The following TAOK2 variants were observed in gnomAD, a reference collection of about 807,000 sequenced individuals.
TAOK2 encodes serine/threonine-protein kinase TAO2.
A neutral mutation model predicts 122.5 loss-of-function variants in TAOK2; 42 were observed. The observed-to-expected ratio is 0.34, with a 90% confidence interval of 0.27 to 0.44. TAOK2 has a LOEUF of 0.44. TAOK2 is among the 20% of genes least tolerant of loss of function. TAOK2 has a pLI of 1.00. For missense variants in TAOK2, 1,264 were observed against 1,644.9 expected (o/e 0.77, Z 4.01); for synonymous variants, 704 against 677.6 (o/e 1.04, Z -0.61).
rs142597637 is a variant in TAOK2 at position 29,987,149 on chromosome 16, G to A, written c.2877G>A (p.Val959=). The A allele has an allele frequency of 1.3e-6, 2 of 1,582,382 alleles. No homozygotes were observed. The highest frequency in any genetic ancestry group is 1.9e-5 in the Admixed American group (1 of 53,122). Residue 959 remains valine, a synonymous_variant, in exon 16 of 16, where the codon GTG becomes GTA. Transcript: ENST00000308893. The stretch of plus-strand genomic sequence containing the variant: ...TCCTGGCCGGCCTCTCCTTTGCAGT[G>A]GGGTCCTCCTCTGGCCTCCTGCCCC... The part of the protein sequence containing the change: ...HGLLAGLSFA[V]GSSSGLLPLL...
intron 3 of TAOK2, 36 bp downstream of exon 3, chr16:29,978,196 G>A (rs1174027708): frequency 6.2e-7 from 1 of 1,613,914 alleles, no homozygotes; most frequent in Non-Finnish European, 8.5e-7. Context: ...TTGGGGACAG[G>A]GGACTCCTGT....
chr16:29,983,007 C>G (rs957415517), intron 11 of TAOK2, 65 bp from the exon 12 acceptor site: 2 of 1,606,968 alleles, frequency 1.2e-6, no homozygotes, highest in African/African-American at 2.7e-5. Context: ...TCTTCCCATG[C>G]TACCTCCATG....
intron 1 of TAOK2, among the ~76,000 whole-genome samples, chr16:29,977,353 G>C (rs2069486599): frequency 6.6e-6 from 1 of 152,304 alleles, no homozygotes; most frequent in South Asian, 2.1e-4. Context: ...GGAAACAGTT[G>C]GGGTATAGGA....
Position 29,987,098 on chromosome 16 carries a change from G to C in TAOK2, c.2826G>C (p.Gln942His), listed in dbSNP as rs768936564. ...PTHLRPCPAS[Q>H]LPGLLSHGLL... ...ACCTGAGGCCCTGCCCTGCCAGCCA[G>C]CTCCCTGGACTCCTGTCCCATGGCC... Residue 942 changes from glutamine (Q) to histidine (H), a missense_variant, in exon 16 of 16, where the codon CAG becomes CAC. Gln to His is a conservative substitution (Grantham distance 24). Around this residue, in one of 4 missense-constraint regions of TAOK2, gnomAD observed 824 missense variants for 908.7 expected, o/e 0.91. Coordinates refer to ENST00000308893, the MANE Select transcript of TAOK2 (RefSeq NM_016151.4). 3 of 1,613,154 alleles carry C rather than the reference G, an allele frequency of 1.9e-6. No individual in the cohort carries two copies. Among genetic ancestry groups the C allele is most frequent in the African/African-American group, 1.3e-5 (1 of 75,024 alleles).
Position 29,986,652 on chromosome 16 carries a change from G to A in TAOK2, c.2380G>A (p.Glu794Lys), listed in dbSNP as rs770429011. 3.7e-6 allele frequency: 6 copies of A among 1,612,452 alleles called. No individual in the cohort carries two copies. The South Asian group carries it at 5.5e-5, about 15-fold the overall frequency. Reference sequence around the variant, plus strand: ...CCAAAGAATGCTTGGCGAGGAGGAGGAAGCAGTTGGAGAGAGAAGGATTCT... The same window carrying A: ...CCAAAGAATGCTTGGCGAGGAGGAGAAAGCAGTTGGAGAGAGAAGGATTCT... ...LDQRMLGEEE[E>K]AVGERRILGK... The change falls in exon 16 of 16, where the codon GAA (glutamate) becomes AAA (lysine). Residue 794 changes from glutamate (E) to lysine (K), a missense_variant. Glu to Lys is a moderately conservative substitution (Grantham distance 56). Transcript: ENST00000308893. The surrounding 1 kb of genome is among the most constrained non-coding windows in gnomAD (Gnocchi z 4.2).
At position 29,976,565 on chromosome 16, in the gene TAOK2, T is replaced by G. The variant is rs571150215; in HGVS notation, c.-35-1173T>G. On this transcript the variant is annotated intron_variant, in intron 1 of 15. Coordinates refer to ENST00000308893, the MANE Select transcript of TAOK2 (RefSeq NM_016151.4). ...TCCTTTGTGCCTAAATTCTGACAAG[T>G]GCTTAGGCTGGAGCCTGTCTTGGAA... 3.3e-5 allele frequency among the ~76,000 whole-genome samples: 5 copies of G among 152,316 alleles called. No individual in the cohort carries two copies. The East Asian group carries it at 9.6e-4, about 29-fold the overall frequency.
intron 13 of TAOK2, among the ~76,000 whole-genome samples, chr16:29,984,320 G>C (rs2069714852): frequency 6.6e-6 from 1 of 152,210 alleles, no homozygotes; most frequent in Non-Finnish European, 1.5e-5. Flanking sequence ...CTGTAAGCAG[G>C]CCCTTAGTCC....
chr16:29,991,534 A>G (rs886507590), downstream of TAOK2: 4 of 1,484,500 alleles, frequency 2.7e-6, no homozygotes, highest in African/African-American at 4.3e-5. The surrounding 1 kb of genome is among the most constrained non-coding windows in gnomAD (Gnocchi z 5.6). Context: ...GTCGCTTCCC[A>G]CATCCTCAAT....
At position 29,974,607 on chromosome 16, in the gene TAOK2, G is replaced by A. The variant is rs961867712; in HGVS notation, c.-77G>A. 2 of 152,666 alleles carry A rather than the reference G, an allele frequency of 1.3e-5. No individual in the cohort carries two copies. The highest frequency in any genetic ancestry group is 2.9e-5 in the Non-Finnish European group (2 of 68,074). 9.5% of individuals were successfully genotyped at this position (152,666 alleles called of 1,614,324 possible). ...TGGCAGAGCCGCTGGAGGACCCCAG[G>A]CGGAAGCGGAGGCGCTGGGGCACCA... On this transcript the variant is annotated 5_prime_UTR_variant, in exon 1 of 16. Transcript: ENST00000308893.
downstream of TAOK2, chr16:29,990,735 G>A: frequency 6.5e-7 from 1 of 1,549,546 alleles, no homozygotes; most frequent in Non-Finnish European, 8.7e-7. Context: ...GGGGAGGATA[G>A]TGGGGGTGGG....
At chr16:29,981,368 A>G (rs2069608733) in intron 8 of TAOK2, 1 of 585,716 alleles carries the variant, frequency 1.7e-6, no homozygotes, top group African/African-American at 1.9e-5. Flanking sequence ...TTGGCACCTA[A>G]GAAATATTAG....
Position 29,983,292 on chromosome 16 carries a change from A to G in TAOK2, c.1220A>G (p.His407Arg), listed in dbSNP as rs1480735123. ...ATGGCCATGATGCAGGAGGGGGAGCACACAGTCACCTCTCACAGCTCCATT... is the reference window on the plus strand; with the variant it reads ...ATGGCCATGATGCAGGAGGGGGAGCGCACAGTCACCTCTCACAGCTCCATT... ...REMAMMQEGE[H>R]TVTSHSSIIH... The change falls in exon 12 of 16, where the codon CAC becomes CGC. Residue 407 changes from histidine (H) to arginine (R), a missense_variant. Transcript: ENST00000308893. The G allele has an allele frequency of 6.2e-7, 1 of 1,603,540 alleles. No homozygotes were observed. Among genetic ancestry groups the G allele is most frequent in the Non-Finnish European group, 8.5e-7 (1 of 1,179,646 alleles).
Position 29,979,343 on chromosome 16 carries a change from C to T in TAOK2, c.563+35C>T. 6.2e-7 allele frequency: 1 copy of T among 1,612,358 alleles called. No individual in the cohort carries two copies. ...TGAGTGGTGGTGAGTGGAGAGACCTCCCAGGGATGTTGGGAGTAGGAGTGA... is the reference window on the plus strand; with the variant it reads ...TGAGTGGTGGTGAGTGGAGAGACCTTCCAGGGATGTTGGGAGTAGGAGTGA... On this transcript the variant is annotated intron_variant, in intron 7 of 15. Coordinates refer to ENST00000308893, the MANE Select transcript of TAOK2 (RefSeq NM_016151.4). This position sits in a 1 kb window ranked among gnomAD's most constrained non-coding sequence, Gnocchi z 4.1.
Position 29,985,437 on chromosome 16 carries a change from A to G in TAOK2, c.1647A>G (p.Ile549Met). ...AGCTGGCCCGGCGGCACCAGGCCAT[A>G]GGTGAGAAGGAGGCACGAGCTGCCC... ...AEKLARRHQA[I>M]GEKEARAAQA... is the part of the protein sequence containing the mutation. Residue 549 changes from isoleucine to methionine, a missense_variant, in exon 14 of 16, where the codon ATA (isoleucine) becomes ATG (methionine). Ile to Met is a conservative substitution (Grantham distance 10). Coordinates refer to ENST00000308893, the MANE Select transcript of TAOK2 (RefSeq NM_016151.4). This position sits in a 1 kb window ranked among gnomAD's most constrained non-coding sequence, Gnocchi z 6.9. 1 of 1,610,552 alleles carries G rather than the reference A, an allele frequency of 6.2e-7. No individual in the cohort carries two copies. Among genetic ancestry groups the G allele is most frequent in the Non-Finnish European group, 8.5e-7 (1 of 1,178,594 alleles).
At position 29,983,204 on chromosome 16, in the gene TAOK2, G is replaced by A. The variant is rs760049440; in HGVS notation, c.1132G>A (p.Glu378Lys). The A allele has an allele frequency of 1.7e-5, 28 of 1,613,852 alleles. No individual in the cohort carries two copies. The highest frequency in any genetic ancestry group is 2.3e-5 in the Non-Finnish European group (27 of 1,179,970). The stretch of plus-strand genomic sequence containing the variant: ...CAGCCTAGCAGATGCCTCAGACAAC[G>A]AGGAAGAGGAGGAGGAGGAGGAGGA... ...VNSLADASDN[E>K]EEEEEEEEEE... is the part of the protein sequence containing the mutation. Residue 378 changes from glutamate to lysine, a missense_variant, in exon 12 of 16, where the codon GAG (glutamate) becomes AAG (lysine). Transcript: ENST00000308893.
In TAOK2 at chr16:29,983,536, C is replaced by T. The variant is rs1315154656; in HGVS notation, c.1294C>T (p.Pro432Ser). 9.3e-6 allele frequency: 15 copies of T among 1,613,536 alleles called. No homozygotes were observed. The highest frequency in any genetic ancestry group is 6.7e-5 in the African/African-American group (5 of 74,876). The change falls in exon 13 of 16, where the codon CCA becomes TCA. Residue 432 changes from proline to serine, a missense_variant. This residue lies in a region of TAOK2 where 122 missense variants were observed against 116.7 expected (regional missense o/e 1.04). Coordinates refer to ENST00000308893, the MANE Select transcript of TAOK2 (RefSeq NM_016151.4). ...CAACCTATATGATGACCCCTACCAG[C>T]CAGAGATAACCCCCAGCCCTCTCCA... Reference protein sequence around the residue: ...SDNLYDDPYQPEITPSPLQPP... With the variant: ...SDNLYDDPYQSEITPSPLQPP...
chr16:29,980,899 A>T (rs2069591977), intron 8 of TAOK2: 1 of 152,300 alleles, frequency 6.6e-6, no homozygotes, highest in Non-Finnish European at 1.5e-5. Context: ...CTGTTTCCAT[A>T]GAAAGAGGGC....
At chr16:29,989,975 C>T, downstream of TAOK2, 3 of 652,950 alleles carry the variant, frequency 4.6e-6, no homozygotes, top group Non-Finnish European at 7.7e-6. Context: ...ATATTCTCCT[C>T]AGTGGTTTTA....
intron 10 of TAOK2, 120 bp downstream of exon 10, chr16:29,982,060 C>T: frequency 1.3e-6 from 1 of 794,398 alleles, no homozygotes; most frequent in African/African-American, 1.7e-5. Flanking sequence ...GATGAATTCC[C>T]ACCCCATCCC....
Sources: allele counts gnomAD v4.1 joint callset (sites outside exome capture counted in the v4.1 genomes callset), GRCh38; gene constraint gnomAD v4.1.1; regional missense constraint gnomAD v4.1.1; non-coding constraint Gnocchi (gnomAD v3.1); transcripts MANE v1.5; gene names NCBI Gene and HGNC (gene_info 2026-07-23, HGNC 2026-07-21).